EPB41L4B: variants seen among roughly 807,000 people sequenced by gnomAD.
EPB41L4B encodes the protein erythrocyte membrane protein band 4.1 like 4B.
In EPB41L4B, 30 loss-of-function variants were observed where a neutral mutation model predicts 112.5. The observed-to-expected ratio is 0.27, with a 90% CI of 0.20 to 0.36. The LOEUF is 0.36. Among genes scored for constraint, EPB41L4B ranks in the 10% least tolerant of loss-of-function variants. EPB41L4B has a pLI of 1.00. For missense variants in EPB41L4B, 1,024 were observed against 1,133.3 expected (o/e 0.90, Z 1.38); for synonymous variants, 408 against 439.7 (o/e 0.93, Z 0.90).
intron 15 of EPB41L4B, chr9:109,239,901 T>G: frequency 5.1e-6 from 5 of 985,486 alleles, no homozygotes; most frequent in Middle Eastern, 5.2e-4. Context: ...CACTTCTCTC[T>G]ACTCAGCACC....
At chr9:109,197,631 C>T (rs556248054) in intron 20 of EPB41L4B, among the ~76,000 whole-genome samples, 5 of 151,714 alleles carry the variant, frequency 3.3e-5, no homozygotes, top group Non-Finnish European at 5.9e-5. Context: ...ATGTAAAGTT[C>T]AAGGTTTGAA....
intron 11 of EPB41L4B, among the ~76,000 whole-genome samples, chr9:109,253,933 T>C (rs1366729571): frequency 6.6e-6 from 1 of 152,222 alleles, no homozygotes; most frequent in Non-Finnish European, 1.5e-5. Context: ...AATACCCACT[T>C]AACTAGGTCT....
At chr9:109,192,199 A>T in intron 22 of EPB41L4B, 79 bp downstream of exon 22, 1 of 1,136,928 alleles carries the variant, frequency 8.8e-7, no homozygotes, top group South Asian at 1.5e-5. Context: ...AGCAATGCCC[A>T]CCTCTGTCCA....
chr9:109,278,910 T>C (rs1351475841), intron 2 of EPB41L4B, among the ~76,000 whole-genome samples: 2 of 152,204 alleles, frequency 1.3e-5, no homozygotes, highest in Non-Finnish European at 2.9e-5. Flanking sequence ...GTCTGAGCTT[T>C]GTGGAGTTCA....
At position 109,249,076 on chromosome 9, in the gene EPB41L4B, T is replaced by A. The variant is rs1183205847; in HGVS notation, c.1311-1287A>T. On this transcript the variant is annotated intron_variant, in intron 13 of 25. Transcript: ENST00000374566. ...TCCATCTCAAAAAAAAAAAAAAATA[T>A]ATATATATATATATGTATATATATG... Among the ~76,000 whole-genome samples, 127 of 143,178 alleles carry A rather than the reference T, an allele frequency of 8.9e-4. 2 individuals carry two copies. Among genetic ancestry groups the A allele is most frequent in the African/African-American group, 3.0e-3 (119 of 39,142 alleles). The allele number at this position is 143,178 out of a possible 152,430, so 93.9% of individuals were successfully genotyped here.
At chr9:109,310,305 C>T (rs1187687198) in intron 1 of EPB41L4B, among the ~76,000 whole-genome samples, 1 of 151,630 alleles carries the variant, frequency 6.6e-6, no homozygotes, top group Non-Finnish European at 1.5e-5. Flanking sequence ...ATGCAGAGAA[C>T]CTATAAAGAA....
intron 1 of EPB41L4B, among the ~76,000 whole-genome samples, chr9:109,318,677 T>C (rs1359563607): frequency 6.6e-6 from 1 of 152,066 alleles, no homozygotes; most frequent in African/African-American, 2.4e-5. Context: ...CCCAGCTGAA[T>C]AAAAAGCTGG....
intron 15 of EPB41L4B, 27 bp downstream of exon 15, chr9:109,243,591 T>C (rs1199770272): frequency 1.2e-6 from 2 of 1,611,662 alleles, no homozygotes; most frequent in African/African-American, 1.3e-5. Context: ...CTTTCGAAGG[T>C]GCAGCTCTGG....
rs1837806563 is a variant in EPB41L4B, at chr9:109,320,161, C to T, written c.286G>A (p.Glu96Lys). Residue 96 changes from glutamate to lysine, a missense_variant, in exon 1 of 26, where the codon GAA becomes AAA. By Grantham distance (56) the Glu-to-Lys change is moderately conservative (BLOSUM62 1). Transcript: ENST00000374566. ...CTCACCGGCAGGTCCACGCTCACTT[C>T]GGTCCCGTCGAGCAGGAAGACGCGG... ...YCRVFLLDGT[E>K]VSVDLPKHAK... 3.4e-6 allele frequency: 5 copies of T among 1,480,482 alleles called. No individual in the cohort carries two copies. The African/African-American group carries it at 5.8e-5, about 17-fold the overall frequency. 91.7% of individuals were successfully genotyped at this position (1,480,482 alleles called of 1,614,324 possible).
chr9:109,255,706 G>C (rs754028977), intron 10 of EPB41L4B, 26 bp from the exon 11 acceptor site: 1 of 1,610,336 alleles, frequency 6.2e-7, no homozygotes, highest in Non-Finnish European at 8.5e-7. Context: ...CAAGGGCCTC[G>C]AGTGGGCGTT....
At chr9:109,304,459 T>A (rs1033314261) in intron 1 of EPB41L4B, among the ~76,000 whole-genome samples, 14 of 152,336 alleles carry the variant, frequency 9.2e-5, no homozygotes, top group African/African-American at 3.4e-4. Flanking sequence ...CTCTAATGAT[T>A]TCTGCTCCTG....
At chr9:109,247,472 GC>G (rs1834602576) in intron 14 of EPB41L4B, among the ~76,000 whole-genome samples, 1 of 152,082 alleles carries the variant, frequency 6.6e-6, no homozygotes, top group Non-Finnish European at 1.5e-5. Flanking sequence ...GCTGTGTGTG[GC>G]CACCCAGAAA....
chr9:109,198,114 A>G (rs1377120292), intron 20 of EPB41L4B, among the ~76,000 whole-genome samples: 1 of 152,178 alleles, frequency 6.6e-6, no homozygotes, highest in Non-Finnish European at 1.5e-5. Flanking sequence ...AGAAGTTTCT[A>G]TGAAGGATAT....
At chr9:109,296,196 C>T (rs983144978) in intron 1 of EPB41L4B, among the ~76,000 whole-genome samples, 1 of 152,196 alleles carries the variant, frequency 6.6e-6, no homozygotes, top group African/African-American at 2.4e-5. Flanking sequence ...CCCATCCTTG[C>T]AACTTAGGAA....
chr9:109,235,392 T>TG (rs906713752), intron 15 of EPB41L4B, among the ~76,000 whole-genome samples: 2 of 78,242 alleles, frequency 2.6e-5, no homozygotes, highest in African/African-American at 8.3e-5. Context: ...CAGCTAGACT[T>TG]TTTTTTTTTT....
intron 1 of EPB41L4B, among the ~76,000 whole-genome samples, chr9:109,293,085 T>C (rs1040250034): frequency 4.6e-5 from 7 of 152,202 alleles, no homozygotes; most frequent in Admixed American, 4.6e-4. Context: ...ATCTCCCAGC[T>C]GTGAGCCCTG....
At chr9:109,294,643 T>C (rs1836665197) in intron 1 of EPB41L4B, among the ~76,000 whole-genome samples, 1 of 150,412 alleles carries the variant, frequency 6.6e-6, no homozygotes, top group Non-Finnish European at 1.5e-5. Flanking sequence ...TAATAATTGT[T>C]CGTTTTGTGG....
intron 15 of EPB41L4B, chr9:109,241,215 G>A: frequency 1.0e-6 from 1 of 986,572 alleles, no homozygotes; most frequent in Non-Finnish European, 1.2e-6. Flanking sequence ...TTCAGATGGG[G>A]AAAATGAGGT....
intron 1 of EPB41L4B, among the ~76,000 whole-genome samples, chr9:109,307,003 T>C (rs1837227769): frequency 6.7e-6 from 1 of 148,372 alleles, no homozygotes; most frequent in Admixed American, 6.8e-5. Flanking sequence ...AGACACTAGA[T>C]GTGCTGCAGT....
Sources: gnomAD v4.1 joint callset for allele counts (sites outside exome capture counted in the v4.1 genomes callset) on GRCh38, gnomAD v4.1.1 for gene constraint, MANE v1.5 for transcripts, NCBI Gene and HGNC (gene_info 2026-07-23, HGNC 2026-07-21) for gene names.